CFAP91: variants seen among roughly 807,000 people sequenced by gnomAD.
The protein encoded by CFAP91 is cilia- and flagella-associated protein 91.
A neutral mutation model predicts 95.9 loss-of-function variants in CFAP91; 85 were observed. The ratio of observed to expected loss-of-function variants is 0.89; its 90% CI spans 0.74 to 1.06. CFAP91 has a LOEUF of 1.06. Among genes scored for constraint, CFAP91 ranks in the 50% least tolerant of loss-of-function variants. The probability of loss-of-function intolerance (pLI) is 0.00; values close to 1 mark genes in which losing one functional copy is unlikely to be tolerated. For synonymous variants in CFAP91, 335 were observed against 327.5 expected (o/e 1.02, Z -0.25); for missense variants, 962 against 943.4 (o/e 1.02, Z -0.26).
chr3:119,739,268 T>A lies in CFAP91; in HGVS notation c.1475T>A (p.Met492Lys), dbSNP rs1318341459. The A allele has an allele frequency of 7.4e-6, 12 of 1,614,064 alleles. No individual in the cohort carries two copies. Among genetic ancestry groups the A allele is most frequent in the Non-Finnish European group, 1.0e-5 (12 of 1,179,920 alleles). ...TTGTTCTTTTAGGAAGAAGAAGAAATGGAAATGGCTGTGATCTACCTTCAA... is the reference window on the plus strand; with the variant it reads ...TTGTTCTTTTAGGAAGAAGAAGAAAAGGAAATGGCTGTGATCTACCTTCAA... Reference protein sequence around the residue: ...LEMTSNEEEEMEMAVIYLQKL... With the variant: ...LEMTSNEEEEKEMAVIYLQKL... Residue 492 changes from methionine (M) to lysine (K), a missense_variant, in exon 12 of 18, where the codon ATG (methionine) becomes AAG (lysine). By Grantham distance (95) the Met-to-Lys change is moderately conservative (BLOSUM62 -1). Coordinates refer to ENST00000273390, the MANE Select transcript of CFAP91 (RefSeq NM_033364.4).
chr3:119,747,833 G>A lies in CFAP91; in HGVS notation c.2074G>A (p.Glu692Lys), dbSNP rs1364319281. ...TAGCCGAACCTATCTTCAGTCAGAG[G>A]AGATTGTTGCTGAGTTGGTTTATAG... Reference protein sequence around the residue: ...ESRRTYLQSEEIVAELVYSFL... With the variant: ...ESRRTYLQSEKIVAELVYSFL... The change falls in exon 16 of 18, where the codon GAG becomes AAG. Residue 692 changes from glutamate (E) to lysine (K), a missense_variant. Transcript: ENST00000273390. 1.2e-6 allele frequency: 2 copies of A among 1,613,308 alleles called. No individual in the cohort carries two copies. The highest frequency in any genetic ancestry group is 1.3e-5 in the African/African-American group (1 of 75,044).
chr3:119,730,771 C>T (rs2053882482), intron 8 of CFAP91, among the ~76,000 whole-genome samples: 1 of 152,024 alleles, frequency 6.6e-6, no homozygotes, highest in Non-Finnish European at 1.5e-5. Flanking sequence ...TTTTCCTAAT[C>T]ACCTTGCTAC....
At chr3:119,730,398 A>G in intron 8 of CFAP91, 21 bp downstream of exon 8, 1 of 1,600,764 alleles carries the variant, frequency 6.2e-7, no homozygotes, top group Non-Finnish European at 8.5e-7. Context: ...AGTATGAACA[A>G]TGAAGACGGT....
intron 6 of CFAP91, among the ~76,000 whole-genome samples, chr3:119,723,778 T>A (rs1173336410): frequency 6.6e-6 from 1 of 152,212 alleles, no homozygotes; most frequent in Non-Finnish European, 1.5e-5. Context: ...CCCTTCAGTA[T>A]CTTTATTTGT....
chr3:119,750,863 G>T, intron 16 of CFAP91, 74 bp from the exon 17 acceptor site: 1 of 1,549,606 alleles, frequency 6.5e-7, no homozygotes, highest in South Asian at 1.1e-5. Flanking sequence ...TTTCTATCAT[G>T]ACTCTCTTGA....
chr3:119,710,697 CAT>C (rs2053456948), intron 5 of CFAP91, among the ~76,000 whole-genome samples: 1 of 152,178 alleles, frequency 6.6e-6, no homozygotes, highest in Admixed American at 6.5e-5. Flanking sequence ...ACAAATCAGT[CAT>C]GTAATATTTT....
At position 119,747,894 on chromosome 3, in the gene CFAP91, A is replaced by G; in HGVS notation, c.2135A>G (p.Lys712Arg). ...CCAGAGGTGCAAAAATACTTTGTCA[A>G]AGAAAAAGGTAAGCCAATGTAAATG... Reference protein sequence around the residue: ...LIPEVQKYFVKEKVRNAQRKH... With the variant: ...LIPEVQKYFVREKVRNAQRKH... The change falls in exon 16 of 18, where the codon AAA becomes AGA. Residue 712 changes from lysine (K) to arginine (R), a missense_variant. Lys to Arg is a conservative substitution (Grantham distance 26). Transcript: ENST00000273390. The G allele has an allele frequency of 1.9e-6, 3 of 1,611,624 alleles. No homozygotes were observed. The highest frequency in any genetic ancestry group is 2.2e-5 in the South Asian group (2 of 90,842).
rs750711647 is a variant in CFAP91, at chr3:119,743,959, T to A, written c.1681-16T>A. On this transcript the variant is annotated splice_polypyrimidine_tract_variant and intron_variant, in intron 13 of 17. Coordinates refer to ENST00000273390, the MANE Select transcript of CFAP91 (RefSeq NM_033364.4). ...AATGGAATTTGTGTCCTTAAAGTTA[T>A]GTTATTCTTTTCAAGGTGTCACTGG... 1 of 1,580,336 alleles carries A rather than the reference T, an allele frequency of 6.3e-7. No individual in the cohort carries two copies. The highest frequency in any genetic ancestry group is 8.6e-7 in the Non-Finnish European group (1 of 1,159,842).
At chr3:119,733,732 A>G (rs1038806364) in intron 10 of CFAP91, among the ~76,000 whole-genome samples, 5 of 152,100 alleles carry the variant, frequency 3.3e-5, no homozygotes, top group African/African-American at 1.2e-4. Flanking sequence ...CAGAGGTCAT[A>G]TTACTTTCTG....
At chr3:119,733,596 G>A (rs765662621) in intron 10 of CFAP91, 90 bp downstream of exon 10, 40 of 1,327,142 alleles carry the variant, frequency 3.0e-5, no homozygotes, top group Non-Finnish European at 4.0e-5. Flanking sequence ...TGTCCAGTGG[G>A]TCAAACATAG....
intron 10 of CFAP91, among the ~76,000 whole-genome samples, chr3:119,736,317 G>T (rs1281731910): frequency 7.0e-6 from 1 of 141,972 alleles, no homozygotes; most frequent in African/African-American, 2.7e-5. Flanking sequence ...TGTTTGTCAG[G>T]CTGGAGGGCA....
At chr3:119,703,353 G>A (rs980180986) in intron 1 of CFAP91, 131 bp downstream of exon 1, 4 of 1,434,760 alleles carry the variant, frequency 2.8e-6, no homozygotes, top group South Asian at 1.3e-5. Context: ...GCCCACGGTT[G>A]TCCTTGGTCG....
chr3:119,756,373 A>G (rs1357067535), intron 17 of CFAP91, among the ~76,000 whole-genome samples: 1 of 152,196 alleles, frequency 6.6e-6, no homozygotes, highest in East Asian at 1.9e-4. Context: ...CAAGAATGGC[A>G]ACGAAAGACA....
intron 6 of CFAP91, among the ~76,000 whole-genome samples, chr3:119,724,916 A>G (rs1451383011): frequency 6.6e-6 from 1 of 151,820 alleles, no homozygotes; most frequent in East Asian, 1.9e-4. Context: ...GGCTAACAAT[A>G]CCCTAATATT....
intron 14 of CFAP91, among the ~76,000 whole-genome samples, chr3:119,746,395 T>C (rs2054219459): frequency 6.6e-6 from 1 of 152,226 alleles, no homozygotes; most frequent in South Asian, 2.1e-4. Flanking sequence ...AAGTAAACTT[T>C]AAAAAGAAGC....
intron 6 of CFAP91, among the ~76,000 whole-genome samples, chr3:119,718,272 A>G (rs1035768926): frequency 6.6e-6 from 1 of 152,248 alleles, no homozygotes; most frequent in African/African-American, 2.4e-5. Context: ...GGGAGTCATG[A>G]AAAAGAACCA....
intron 6 of CFAP91, among the ~76,000 whole-genome samples, chr3:119,722,958 G>A (rs377390656): frequency 6.6e-6 from 1 of 152,192 alleles, no homozygotes; most frequent in East Asian, 1.9e-4. Context: ...ACTCATGCTT[G>A]AATAGATAAG....
intron 6 of CFAP91, among the ~76,000 whole-genome samples, chr3:119,721,475 C>T (rs1191256687): frequency 6.6e-6 from 1 of 152,184 alleles, no homozygotes; most frequent in East Asian, 1.9e-4. Flanking sequence ...GATCTTAGCC[C>T]AGAGTTTATC....
rs574692849 is a variant in CFAP91, at chr3:119,715,920, A to G, written c.682+177A>G. ...ATACTTCTGGTCAAATAAAGATACTATCTTTTTATTGTGAGTAGTTTTATC... is the reference window on the plus strand; with the variant it reads ...ATACTTCTGGTCAAATAAAGATACTGTCTTTTTATTGTGAGTAGTTTTATC... On this transcript the variant is annotated intron_variant, in intron 6 of 17. Coordinates refer to ENST00000273390, the MANE Select transcript of CFAP91 (RefSeq NM_033364.4). The G allele has an allele frequency of 5.2e-5, 32 of 615,716 alleles. 1 individual carries two copies. Among genetic ancestry groups the G allele is most frequent in the South Asian group, 4.3e-4 (22 of 51,004 alleles). 38.1% of individuals were successfully genotyped at this position (615,716 alleles called of 1,614,324 possible). A position where few individuals can be genotyped will look rare whatever the true frequency, so the allele number is the denominator to read the frequency against.
Sources: gnomAD v4.1 joint callset for allele counts (sites outside exome capture counted in the v4.1 genomes callset) on GRCh38, gnomAD v4.1.1 for gene constraint, MANE v1.5 for transcripts, NCBI Gene and HGNC (gene_info 2026-07-23, HGNC 2026-07-21) for gene names.